The following ARHGAP15 variants were observed in gnomAD, a reference collection of about 807,000 sequenced individuals.
ARHGAP15 encodes the protein rho GTPase-activating protein 15.
A neutral mutation model predicts 63.7 loss-of-function variants in ARHGAP15; 51 were observed. The observed-to-expected ratio is 0.80, with a 90% CI of 0.64 to 1.01. The LOEUF (loss-of-function observed/expected upper bound fraction) is 1.01, where lower values mean the gene tolerates loss of function less well. ARHGAP15 is among the 50% of genes least tolerant of loss of function. ARHGAP15 has a pLI of 0.00. For missense variants in ARHGAP15, 560 were observed against 564.6 expected, an observed-to-expected ratio of 0.99 and a Z score of 0.08; for synonymous variants, 191 against 193.8, an observed-to-expected ratio of 0.99 and a Z score of 0.12.
intron 6 of ARHGAP15, among the ~76,000 whole-genome samples, chr2:143,339,683 G>T (rs557797478): frequency 6.6e-6 from 1 of 152,018 alleles, no homozygotes; most frequent in Admixed American, 6.6e-5. Flanking sequence ...AATTATCCTA[G>T]ATTCCATCTT....
chr2:143,244,579 C>T lies in ARHGAP15; in HGVS notation c.385-5932C>T, dbSNP rs187959465. ...ACACATTGCATTTTGGAAACTGCCA[C>T]GGATGTAGCGTAGCTGGTGTGAAGA... is the stretch of plus-strand genomic sequence containing the variant. On this transcript the variant is annotated intron_variant, in intron 5 of 13. Transcript: ENST00000295095. 1.0e-3 allele frequency among the ~76,000 whole-genome samples: 158 copies of T among 152,180 alleles called. 1 individual carries two copies. The highest frequency in any genetic ancestry group is 1.9e-3 in the Non-Finnish European group (128 of 68,000).
At chr2:143,413,964 T>TGCGCGCGCGCGCGCGC (rs1263567075) in intron 6 of ARHGAP15, among the ~76,000 whole-genome samples, 36 of 67,040 alleles carry the variant, frequency 5.4e-4, no homozygotes, top group Middle Eastern at 6.9e-3. Flanking sequence ...TGTGTGTGTG[T>TGCGCGCGCGCGCGCGC]GTGCGCGCTC....
intron 2 of ARHGAP15, among the ~76,000 whole-genome samples, chr2:143,180,734 C>T (rs562019844): frequency 2.0e-5 from 3 of 152,092 alleles, no homozygotes; most frequent in African/African-American, 7.2e-5. Context: ...AGTACAGTGG[C>T]GTGATCTCGG....
At chr2:143,672,514 C>G (rs1427955057) in intron 12 of ARHGAP15, among the ~76,000 whole-genome samples, 1 of 152,148 alleles carries the variant, frequency 6.6e-6, no homozygotes, top group Non-Finnish European at 1.5e-5. Context: ...CACATAATAT[C>G]TGTGATAAAT....
chr2:143,453,994 A>G (rs970694802), intron 8 of ARHGAP15, among the ~76,000 whole-genome samples: 2 of 152,058 alleles, frequency 1.3e-5, no homozygotes, highest in African/African-American at 4.8e-5. Context: ...ACAAAGTTCA[A>G]TGAAGTTGTA....
chr2:143,324,320 A>T (rs935629212), intron 6 of ARHGAP15, among the ~76,000 whole-genome samples: 1 of 152,106 alleles, frequency 6.6e-6, no homozygotes, highest in Non-Finnish European at 1.5e-5. Flanking sequence ...AGCATATTCT[A>T]TGTGGACTGG....
At chr2:143,452,333 T>G (rs1690444535) in intron 8 of ARHGAP15, among the ~76,000 whole-genome samples, 1 of 151,902 alleles carries the variant, frequency 6.6e-6, no homozygotes, top group Non-Finnish European at 1.5e-5. Flanking sequence ...AGGCTCATCT[T>G]CCCCTGATGG....
chr2:143,718,196 T>C (rs1247445999), intron 13 of ARHGAP15, among the ~76,000 whole-genome samples: 1 of 152,036 alleles, frequency 6.6e-6, no homozygotes, highest in South Asian at 2.1e-4. Context: ...AGTTGAGCAA[T>C]GGACAGGAGG....
intron 4 of ARHGAP15, among the ~76,000 whole-genome samples, chr2:143,223,795 C>T (rs1693093536): frequency 6.6e-6 from 1 of 152,154 alleles, no homozygotes; most frequent in Non-Finnish European, 1.5e-5. Flanking sequence ...TGCTGAGAGA[C>T]CATGGAGACA....
chr2:143,597,039 A>G (rs1195691862), intron 11 of ARHGAP15, among the ~76,000 whole-genome samples: 1 of 151,968 alleles, frequency 6.6e-6, no homozygotes, highest in Non-Finnish European at 1.5e-5. Context: ...GTTGACTACA[A>G]TTTGTATTTC....
At chr2:143,547,126 G>A (rs1262444523) in intron 10 of ARHGAP15, among the ~76,000 whole-genome samples, 2 of 152,098 alleles carry the variant, frequency 1.3e-5, no homozygotes, top group African/African-American at 4.8e-5. Flanking sequence ...TCCTAAGGCT[G>A]GCATATATCT....
At chr2:143,364,998 T>C (rs972696396) in intron 6 of ARHGAP15, among the ~76,000 whole-genome samples, 1 of 151,226 alleles carries the variant, frequency 6.6e-6, no homozygotes, top group African/African-American at 2.4e-5. Flanking sequence ...AGAGCGAGAC[T>C]CTGTGTGGGA....
At chr2:143,190,852 C>G (rs1691660300) in intron 2 of ARHGAP15, among the ~76,000 whole-genome samples, 1 of 152,194 alleles carries the variant, frequency 6.6e-6, no homozygotes. Flanking sequence ...CTCACTGCAA[C>G]CTCCGCCTCC....
chr2:143,318,341 C>T lies in ARHGAP15; in HGVS notation c.474+67741C>T, dbSNP rs548237690. Among the ~76,000 whole-genome samples the T allele has an allele frequency of 7.2e-5, 11 of 152,020 alleles. No homozygotes were observed. The South Asian group carries it at 2.3e-3, about 32-fold the overall frequency. ...TCACACAGTCAGAACGATAAGGGTACTAATATAAGCTGTGTAGATAACAAT... is the reference window on the plus strand; with the variant it reads ...TCACACAGTCAGAACGATAAGGGTATTAATATAAGCTGTGTAGATAACAAT... On this transcript the variant is annotated intron_variant, in intron 6 of 13. Transcript: ENST00000295095.
At chr2:143,376,261 A>T (rs957830399) in intron 6 of ARHGAP15, among the ~76,000 whole-genome samples, 1 of 152,220 alleles carries the variant, frequency 6.6e-6, no homozygotes, top group African/African-American at 2.4e-5. Context: ...AACCAGGAAA[A>T]TCAATTAACT....
chr2:143,617,006 G>A (rs917483252), intron 11 of ARHGAP15, among the ~76,000 whole-genome samples: 1 of 152,168 alleles, frequency 6.6e-6, no homozygotes, highest in Non-Finnish European at 1.5e-5. Flanking sequence ...GACAAAGAAT[G>A]AATATGAAAA....
At chr2:143,732,308 G>T (rs954292328) in intron 13 of ARHGAP15, among the ~76,000 whole-genome samples, 3 of 152,042 alleles carry the variant, frequency 2.0e-5, no homozygotes, top group African/African-American at 7.2e-5. Flanking sequence ...ACAAGCATTT[G>T]GAACCTCATA....
chr2:143,415,931 G>C (rs1392269542), intron 6 of ARHGAP15, among the ~76,000 whole-genome samples: 1 of 152,078 alleles, frequency 6.6e-6, no homozygotes, highest in Non-Finnish European at 1.5e-5. Context: ...ATATGAGGAT[G>C]CAGAGGCATA....
intron 10 of ARHGAP15, among the ~76,000 whole-genome samples, chr2:143,530,961 C>A (rs1015163688): frequency 2.0e-5 from 3 of 152,096 alleles, no homozygotes; most frequent in Non-Finnish European, 4.4e-5. Flanking sequence ...TGTTTCCTCA[C>A]TGTAGGAGGG....
Sources: allele counts gnomAD v4.1 joint callset (sites outside exome capture counted in the v4.1 genomes callset), GRCh38; gene constraint gnomAD v4.1.1; transcripts MANE v1.5; gene names NCBI Gene and HGNC (gene_info 2026-07-23, HGNC 2026-07-21).